SLF1: variants seen among roughly 807,000 people sequenced by gnomAD.
SLF1 encodes SMC5/6 complex localization factor 1.
In SLF1, 105 loss-of-function variants were observed where a neutral mutation model predicts 123.0. The observed-to-expected ratio is 0.85, with a 90% CI of 0.73 to 1.00. The LOEUF (loss-of-function observed/expected upper bound fraction) is 1.00, where lower values mean the gene tolerates loss of function less well. Among genes scored for constraint, SLF1 ranks in the 50% least tolerant of loss-of-function variants. The probability of loss-of-function intolerance (pLI) is 0.00; values close to 1 mark genes in which losing one functional copy is unlikely to be tolerated. For missense variants in SLF1, 1,239 were observed against 1,223.0 expected (o/e 1.01, Z -0.20); for synonymous variants, 434 against 406.6 (o/e 1.07, Z -0.81).
intron 14 of SLF1, among the ~76,000 whole-genome samples, chr5:94,675,973 A>T (rs1306371912): frequency 6.8e-6 from 1 of 147,856 alleles, no homozygotes; most frequent in East Asian, 2.0e-4. Flanking sequence ...TTTTTATATA[A>T]GGCTTCACTT....
At chr5:94,689,697 C>A in intron 18 of SLF1, 91 bp downstream of exon 18, 1 of 1,183,662 alleles carries the variant, frequency 8.4e-7, no homozygotes, top group Non-Finnish European at 1.2e-6. Context: ...CTGATGAATA[C>A]TTGAACTTAA....
intron 5 of SLF1, among the ~76,000 whole-genome samples, chr5:94,645,890 A>G (rs755898): frequency 0.25 from 38,309 of 152,032 alleles, 5,170 homozygotes; most frequent in Non-Finnish European, 0.29. Context: ...TTCAGTGTAG[A>G]TCATATTCCA....
At chr5:94,622,317 A>T (rs1791871586) in intron 1 of SLF1, among the ~76,000 whole-genome samples, 1 of 152,202 alleles carries the variant, frequency 6.6e-6, no homozygotes, top group Admixed American at 6.5e-5. Context: ...GGGGAGTTTC[A>T]AATAATTTTC....
intron 4 of SLF1, among the ~76,000 whole-genome samples, chr5:94,631,377 A>G (rs1745177642): frequency 6.6e-6 from 1 of 152,178 alleles, no homozygotes; most frequent in African/African-American, 2.4e-5. Flanking sequence ...CATGTACATT[A>G]TCCTATAATG....
chr5:94,680,566 G>C (rs1236210835), intron 15 of SLF1, among the ~76,000 whole-genome samples: 6 of 152,182 alleles, frequency 3.9e-5, no homozygotes, highest in Non-Finnish European at 8.8e-5. Flanking sequence ...TGAAATTTGA[G>C]TTTGGAGACC....
chr5:94,657,109 C>G (rs1016451628), intron 9 of SLF1, among the ~76,000 whole-genome samples: 1 of 150,422 alleles, frequency 6.6e-6, no homozygotes, highest in African/African-American at 2.4e-5. Flanking sequence ...TGTTCTTGCT[C>G]TTCTTCTTCC....
At chr5:94,651,941 T>C in intron 7 of SLF1, 96 bp downstream of exon 7, 1 of 559,936 alleles carries the variant, frequency 1.8e-6, no homozygotes, top group Non-Finnish European at 2.7e-6. Flanking sequence ...AAAAATGAGT[T>C]ATGTATCCAA....
chr5:94,690,647 A>C (rs1752960890), intron 18 of SLF1, among the ~76,000 whole-genome samples: 1 of 152,158 alleles, frequency 6.6e-6, no homozygotes, highest in African/African-American at 2.4e-5. Flanking sequence ...AAAACTGAAC[A>C]CTGTAAAAAT....
At position 94,695,620 on chromosome 5, in the gene SLF1, A is replaced by AT. The variant is rs1278058309; in HGVS notation, c.*314dup. The AT allele has an allele frequency of 1.2e-5, 2 of 161,184 alleles. No individual in the cohort carries two copies. The highest frequency in any genetic ancestry group is 4.8e-5 in the African/African-American group (2 of 41,718). 10.0% of individuals were successfully genotyped at this position (161,184 alleles called of 1,614,324 possible). A position where few individuals can be genotyped will look rare whatever the true frequency, so the allele number is the denominator to read the frequency against. On this transcript the variant is annotated 3_prime_UTR_variant, in exon 21 of 21. Coordinates refer to ENST00000265140, the MANE Select transcript of SLF1 (RefSeq NM_032290.4). ...TTGTACATGTAAAATTAATTTAAAT[A>AT]TTTTTTCAAATAAAAATGTAATGTC... is the stretch of plus-strand genomic sequence containing the variant.
rs917479097 is a variant in SLF1 at position 94,637,263 on chromosome 5, A to G, written c.432-6010A>G. On this transcript the variant is annotated intron_variant, in intron 4 of 20. Coordinates refer to ENST00000265140, the MANE Select transcript of SLF1 (RefSeq NM_032290.4). ...GGGAGATCACTGCTTGTGATTCTGT[A>G]TGGGCTGGTAATGACTCCAAGCAGG... Among the ~76,000 whole-genome samples the G allele has an allele frequency of 3.3e-5, 5 of 152,068 alleles. No homozygotes were observed. The South Asian group carries it at 8.3e-4, about 25-fold the overall frequency.
chr5:94,629,058 A>C, intron 2 of SLF1, 34 bp from the exon 3 acceptor site: 1 of 1,504,434 alleles, frequency 6.6e-7, no homozygotes, highest in Non-Finnish European at 9.0e-7. Context: ...GTCTTACTTT[A>C]GTAACATTTC....
intron 1 of SLF1, among the ~76,000 whole-genome samples, chr5:94,621,057 T>A (rs1408126481): frequency 6.6e-6 from 1 of 152,238 alleles, no homozygotes; most frequent in African/African-American, 2.4e-5. Flanking sequence ...GTTATTTTAC[T>A]GAAAATAATT....
intron 20 of SLF1, 32 bp from the exon 21 acceptor site, chr5:94,694,799 T>C (rs1196969092): frequency 6.6e-7 from 1 of 1,520,478 alleles, no homozygotes; most frequent in African/African-American, 1.4e-5. Context: ...AGAAATGTTT[T>C]ACTTGCAACA....
chr5:94,643,852 C>T (rs1489493416), intron 5 of SLF1, among the ~76,000 whole-genome samples: 1 of 152,026 alleles, frequency 6.6e-6, no homozygotes, highest in Non-Finnish European at 1.5e-5. Context: ...GAATGGGCAT[C>T]AAACCCTAGA....
At position 94,656,114 on chromosome 5, in the gene SLF1, A is replaced by T. The variant is rs114776915; in HGVS notation, c.1155+1362A>T. On this transcript the variant is annotated intron_variant, in intron 9 of 20. Coordinates refer to ENST00000265140, the MANE Select transcript of SLF1 (RefSeq NM_032290.4). ...TGTATGACCTTTGTTATGTTGAAGT[A>T]CTTCTGTGCCTAGTTGGTTGAGAGT... Among the ~76,000 whole-genome samples, 684 of 152,118 alleles carry T rather than the reference A, an allele frequency of 4.5e-3. 3 individuals carry two copies. Among genetic ancestry groups the T allele is most frequent in the African/African-American group, 0.016 (655 of 41,554 alleles).
Position 94,695,044 on chromosome 5 carries a change from T to C in SLF1, c.2909T>C (p.Phe970Ser). Residue 970 changes from phenylalanine to serine, a missense_variant, in exon 21 of 21, where the codon TTT becomes TCT. Physicochemically the swap from Phe to Ser is radical, Grantham distance 155. Coordinates refer to ENST00000265140, the MANE Select transcript of SLF1 (RefSeq NM_032290.4). ...ATGTTGCTAAATTTTTGTTCAATTT[T>C]TGATTTATCTTCAGAGTTCATTTTA... ...SRMLLNFCSI[F>S]DLSSEFILAS... 6.2e-7 allele frequency: 1 copy of C among 1,612,394 alleles called. No homozygotes were observed. Among genetic ancestry groups the C allele is most frequent in the Non-Finnish European group, 8.5e-7 (1 of 1,179,100 alleles).
chr5:94,623,436 A>G (rs1466920028), intron 1 of SLF1, among the ~76,000 whole-genome samples: 1 of 152,188 alleles, frequency 6.6e-6, no homozygotes, highest in Non-Finnish European at 1.5e-5. Context: ...TTTTTTTGAC[A>G]GTAAAAATAA....
At chr5:94,694,801 C>A (rs1245205900) in intron 20 of SLF1, 30 bp from the exon 21 acceptor site, 2 of 1,521,248 alleles carry the variant, frequency 1.3e-6, no homozygotes, top group East Asian at 2.3e-5. Flanking sequence ...AAATGTTTTA[C>A]TTGCAACATT....
rs78018196 is a variant in SLF1, at chr5:94,662,498, A to G, written c.1209+147A>G. ...CAAATAAAGAAATATAGCTTCTCTA[A>G]TCAGAAATGATAAAAATATTCTGTC... On this transcript the variant is annotated intron_variant, in intron 10 of 20. Coordinates refer to ENST00000265140, the MANE Select transcript of SLF1 (RefSeq NM_032290.4). 2,270 of 606,904 alleles carry G rather than the reference A, an allele frequency of 3.7e-3. 52 individuals are homozygous for G. In the African/African-American group the frequency reaches 0.041, roughly 11 times the overall value. 37.6% of individuals were successfully genotyped at this position (606,904 alleles called of 1,614,324 possible). A position where few individuals can be genotyped will look rare whatever the true frequency, so the allele number is the denominator to read the frequency against.
Sources: allele counts gnomAD v4.1 joint callset (sites outside exome capture counted in the v4.1 genomes callset), GRCh38; gene constraint gnomAD v4.1.1; transcripts MANE v1.5; gene names NCBI Gene and HGNC (gene_info 2026-07-23, HGNC 2026-07-21).